The following TAF3 variants were observed in gnomAD, a reference collection of about 807,000 sequenced individuals.
TAF3 encodes transcription initiation factor TFIID subunit 3.
A neutral mutation model predicts 80.6 loss-of-function variants in TAF3; 7 were observed. The ratio of observed to expected loss-of-function variants is 0.09; its 90% CI spans 0.05 to 0.16. The LOEUF (loss-of-function observed/expected upper bound fraction) is 0.16, where lower values mean the gene tolerates loss of function less well. Among genes scored for constraint, TAF3 ranks in the 10% least tolerant of loss-of-function variants. The pLI, the probability that TAF3 is intolerant of heterozygous loss-of-function variation, is 1.00. For missense variants in TAF3, 921 were observed against 1,140.2 expected (o/e 0.81, Z 2.77); for synonymous variants, 444 against 446.1 (o/e 1.00, Z 0.06).
chr10:7,938,931 G>A (rs1054127836), intron 2 of TAF3, among the ~76,000 whole-genome samples: 4 of 152,108 alleles, frequency 2.6e-5, no homozygotes, highest in Non-Finnish European at 4.4e-5. Flanking sequence ...TACAATGATA[G>A]GAAGATACTA....
chr10:7,855,801 A>G (rs2131130062), intron 2 of TAF3, among the ~76,000 whole-genome samples: 1 of 152,118 alleles, frequency 6.6e-6, no homozygotes, highest in African/African-American at 2.4e-5. Flanking sequence ...AGTTCTTTAC[A>G]CTGGGCGTGG....
Position 7,977,237 on chromosome 10 carries a change from A to G in TAF3, c.2233-4A>G, listed in dbSNP as rs370474332. ...ATTGAACTTTAATGTGCTAACTTCC[A>G]CAGATAAAAGTGGAACCAGTCGCTC... is the stretch of plus-strand genomic sequence containing the variant. On this transcript the variant is annotated splice_polypyrimidine_tract_variant and splice_region_variant and intron_variant, in intron 3 of 6. Transcript: ENST00000344293. 157 of 1,614,130 alleles carry G rather than the reference A, an allele frequency of 9.7e-5. No homozygotes were observed. The highest frequency in any genetic ancestry group is 1.3e-4 in the Non-Finnish European group (150 of 1,179,992).
chr10:7,890,621 C>T (rs2131162768), intron 2 of TAF3, among the ~76,000 whole-genome samples: 1 of 152,338 alleles, frequency 6.6e-6, no homozygotes, highest in African/African-American at 2.4e-5. Flanking sequence ...TTTAACCTTG[C>T]TTTTCTTGCA....
At chr10:8,011,502 C>T (rs751806409) in intron 5 of TAF3, among the ~76,000 whole-genome samples, 12 of 152,168 alleles carry the variant, frequency 7.9e-5, no homozygotes, top group Middle Eastern at 3.2e-3. Flanking sequence ...TCTCAAACTC[C>T]TGGGCTCAAG....
intron 2 of TAF3, among the ~76,000 whole-genome samples, chr10:7,863,026 A>G (rs1240467095): frequency 2.0e-5 from 3 of 152,214 alleles, no homozygotes; most frequent in Non-Finnish European, 2.9e-5. Flanking sequence ...TCTTGGATAA[A>G]TACCCAGGAA....
At chr10:7,910,835 A>AT (rs973124228) in intron 2 of TAF3, among the ~76,000 whole-genome samples, 3 of 152,192 alleles carry the variant, frequency 2.0e-5, no homozygotes, top group Admixed American at 1.3e-4. Context: ...ACCAGACTAG[A>AT]TTTTTTAAAA....
rs1176707860 is a variant in TAF3 at position 7,830,473 on chromosome 10, C to CTTTTTTTT, written c.409+5934_409+5941dup. ...TGCACACCTTTTTCACTTTACATGT[C>CTTTTTTTT]TTTTTTTTTTTTTTTTTTTTTTTTT... is the stretch of plus-strand genomic sequence containing the variant. On this transcript the variant is annotated intron_variant, in intron 2 of 6. Coordinates refer to ENST00000344293, the MANE Select transcript of TAF3 (RefSeq NM_031923.4). Among the ~76,000 whole-genome samples, 193 of 57,728 alleles carry CTTTTTTTT rather than the reference C, an allele frequency of 3.3e-3. 33 individuals are homozygous for CTTTTTTTT. The highest frequency in any genetic ancestry group is 4.6e-3 in the East Asian group (7 of 1,514). 37.9% of individuals were successfully genotyped at this position (57,728 alleles called of 152,430 possible). A position where few individuals can be genotyped will look rare whatever the true frequency, so the allele number is the denominator to read the frequency against.
chr10:7,969,333 A>G (rs1433670277), intron 3 of TAF3, among the ~76,000 whole-genome samples: 3 of 152,102 alleles, frequency 2.0e-5, no homozygotes, highest in Non-Finnish European at 2.9e-5. Flanking sequence ...ATATTATCCA[A>G]TTGCAGTCAC....
chr10:7,922,037 G>C (rs1029153133), intron 2 of TAF3, among the ~76,000 whole-genome samples: 1 of 152,048 alleles, frequency 6.6e-6, no homozygotes, highest in Non-Finnish European at 1.5e-5. Flanking sequence ...AATAGATTAT[G>C]TTCGTATTTG....
chr10:7,870,138 A>G (rs994530257), intron 2 of TAF3, among the ~76,000 whole-genome samples: 6 of 152,250 alleles, frequency 3.9e-5, no homozygotes, highest in Admixed American at 6.5e-5. Flanking sequence ...CTCTAAAGAC[A>G]TGTCTTTCCC....
chr10:7,831,597 G>A (rs1321349263), intron 2 of TAF3, among the ~76,000 whole-genome samples: 1 of 152,162 alleles, frequency 6.6e-6, no homozygotes, highest in Non-Finnish European at 1.5e-5. Flanking sequence ...TCCTGCCTCG[G>A]CCTCCCAAAG....
chr10:7,920,966 G>A (rs1837757244), intron 2 of TAF3, among the ~76,000 whole-genome samples: 1 of 152,182 alleles, frequency 6.6e-6, no homozygotes, highest in Admixed American at 6.5e-5. Flanking sequence ...GAGGTGGTTA[G>A]GGGTTGGGCC....
intron 2 of TAF3, among the ~76,000 whole-genome samples, chr10:7,958,352 T>C (rs914256813): frequency 1.3e-5 from 2 of 152,192 alleles, no homozygotes; most frequent in African/African-American, 2.4e-5. Context: ...AAATAAAATA[T>C]ATTCACTCAA....
At chr10:7,981,322 G>T (rs1831723768) in intron 4 of TAF3, among the ~76,000 whole-genome samples, 1 of 152,116 alleles carries the variant, frequency 6.6e-6, no homozygotes, top group African/African-American at 2.4e-5. Flanking sequence ...CAGGTCCATG[G>T]TGAGCAGCTC....
intron 2 of TAF3, among the ~76,000 whole-genome samples, chr10:7,831,144 C>T (rs1016218381): frequency 6.6e-6 from 1 of 152,114 alleles, no homozygotes; most frequent in East Asian, 1.9e-4. Flanking sequence ...TAAGAAAATC[C>T]TTTTCCTCAT....
At chr10:7,947,508 A>G (rs1838037293) in intron 2 of TAF3, among the ~76,000 whole-genome samples, 1 of 152,212 alleles carries the variant, frequency 6.6e-6, no homozygotes, top group Non-Finnish European at 1.5e-5. Context: ...AGCTACTGGG[A>G]GGCGAGTTGA....
At chr10:8,004,740 C>A (rs992808723) in intron 4 of TAF3, among the ~76,000 whole-genome samples, 1 of 152,104 alleles carries the variant, frequency 6.6e-6, no homozygotes, top group Admixed American at 6.6e-5. Context: ...TATAGCTTCA[C>A]TTTGATGTGC....
chr10:7,990,532 G>A (rs890776414), intron 4 of TAF3, among the ~76,000 whole-genome samples: 6 of 152,064 alleles, frequency 3.9e-5, no homozygotes, highest in African/African-American at 1.4e-4. Flanking sequence ...CTGTTTTTCT[G>A]TATGCATGCA....
intron 2 of TAF3, among the ~76,000 whole-genome samples, chr10:7,909,556 G>T (rs1262341456): frequency 1.3e-5 from 2 of 152,198 alleles, no homozygotes; most frequent in Non-Finnish European, 2.9e-5. Flanking sequence ...AAGCAAAGAA[G>T]GCCAGAAGAT....
Sources: gnomAD v4.1 joint callset for allele counts (sites outside exome capture counted in the v4.1 genomes callset) on GRCh38, gnomAD v4.1.1 for gene constraint, MANE v1.5 for transcripts, NCBI Gene and HGNC (gene_info 2026-07-23, HGNC 2026-07-21) for gene names.